KHDRBS2: variants seen among roughly 807,000 people sequenced by gnomAD.
The protein encoded by KHDRBS2 is KH domain-containing, RNA-binding, signal transduction-associated protein 2.
A neutral mutation model predicts 44.3 loss-of-function variants in KHDRBS2; 26 were observed. That is an observed-to-expected ratio of 0.59 (90% CI 0.43 to 0.81). KHDRBS2 has a LOEUF of 0.81. KHDRBS2 is among the 40% of genes least tolerant of loss of function. KHDRBS2 has a pLI of 0.00. For synonymous variants in KHDRBS2, 194 were observed against 151.1 expected (o/e 1.28, Z -2.08); for missense variants, 476 against 433.1 (o/e 1.10, Z -0.88).
the KHDRBS2 span, among the ~76,000 whole-genome samples, chr6:61,626,890 C>A: frequency 6.6e-6 from 1 of 151,544 alleles, no homozygotes; most frequent in Non-Finnish European, 1.5e-5. Flanking sequence ...TTTGGAGTTT[C>A]ATCTGCCTGC....
intron 6 of KHDRBS2, among the ~76,000 whole-genome samples, chr6:61,735,771 C>G (rs940659310): frequency 1.3e-5 from 2 of 151,850 alleles, no homozygotes; most frequent in African/African-American, 4.8e-5. Context: ...TCAATTGTCT[C>G]ATACTTAATT....
intron 6 of KHDRBS2, among the ~76,000 whole-genome samples, chr6:61,818,838 CT>C (rs1001673909): frequency 1.3e-5 from 2 of 151,888 alleles, no homozygotes; most frequent in African/African-American, 4.8e-5. Flanking sequence ...TTATCTCCCC[CT>C]AACAATGTTT....
the KHDRBS2 span, among the ~76,000 whole-genome samples, chr6:61,558,273 C>G: frequency 6.6e-6 from 1 of 152,234 alleles, no homozygotes; most frequent in African/African-American, 2.4e-5. Flanking sequence ...TAGCCATAAA[C>G]TTCCTTGGCT....
chr6:61,595,029 G>A, the KHDRBS2 span, among the ~76,000 whole-genome samples: 1 of 152,038 alleles, frequency 6.6e-6, no homozygotes, highest in Non-Finnish European at 1.5e-5. Flanking sequence ...CAGACATACA[G>A]TCTCTGTTTC....
intron 1 of KHDRBS2, among the ~76,000 whole-genome samples, chr6:62,274,110 A>G (rs542962124): frequency 1.3e-5 from 2 of 151,976 alleles, no homozygotes; most frequent in South Asian, 2.1e-4. Context: ...TAATTTTTGT[A>G]TTTTTAGTAG....
At chr6:61,872,385 C>A (rs1030969605) in intron 6 of KHDRBS2, among the ~76,000 whole-genome samples, 20 of 151,966 alleles carry the variant, frequency 1.3e-4, no homozygotes, top group African/African-American at 4.3e-4. Flanking sequence ...AGAAATATTT[C>A]TGGATATAAT....
chr6:61,868,395 G>T (rs1224644463), intron 6 of KHDRBS2, among the ~76,000 whole-genome samples: 2 of 152,114 alleles, frequency 1.3e-5, no homozygotes, highest in Non-Finnish European at 2.9e-5. Flanking sequence ...GAGTACCAGC[G>T]ACGGTGGCTG....
At chr6:62,086,961 A>T (rs1424521612) in intron 2 of KHDRBS2, among the ~76,000 whole-genome samples, 3 of 152,092 alleles carry the variant, frequency 2.0e-5, no homozygotes, top group African/African-American at 7.2e-5. Context: ...AAAAAGGAAA[A>T]GATATAGGTG....
chr6:61,740,747 T>C (rs1776019675), intron 6 of KHDRBS2, among the ~76,000 whole-genome samples: 1 of 151,914 alleles, frequency 6.6e-6, no homozygotes, highest in South Asian at 2.1e-4. Flanking sequence ...GCTGATGGTA[T>C]TTTCTTCCAA....
the KHDRBS2 span, among the ~76,000 whole-genome samples, chr6:61,673,430 T>C: frequency 6.6e-6 from 1 of 151,472 alleles, no homozygotes; most frequent in Non-Finnish European, 1.5e-5. Flanking sequence ...CCAGGGCAAT[T>C]AGGCAGGAGA....
At chr6:62,088,557 T>C (rs1798862105) in intron 2 of KHDRBS2, among the ~76,000 whole-genome samples, 1 of 152,164 alleles carries the variant, frequency 6.6e-6, no homozygotes, top group Admixed American at 6.5e-5. Flanking sequence ...GATTGCTGCC[T>C]GTTCCTTCCT....
intron 3 of KHDRBS2, among the ~76,000 whole-genome samples, chr6:62,045,757 TC>T (rs1361287865): frequency 6.6e-6 from 1 of 151,954 alleles, no homozygotes; most frequent in African/African-American, 2.4e-5. Flanking sequence ...AAATCTTCTT[TC>T]CTGTTTATGT....
chr6:62,017,938 A>G (rs71568781), intron 3 of KHDRBS2, among the ~76,000 whole-genome samples: 1 of 151,994 alleles, frequency 6.6e-6, no homozygotes, highest in African/African-American at 2.4e-5. Context: ...GATATAAAAA[A>G]TTTATTCTCC....
At chr6:61,956,117 C>T (rs1767214744) in intron 4 of KHDRBS2, among the ~76,000 whole-genome samples, 1 of 151,958 alleles carries the variant, frequency 6.6e-6, no homozygotes, top group Non-Finnish European at 1.5e-5. Flanking sequence ...TCACTTGAAC[C>T]CGGGAGGCAC....
the KHDRBS2 span, among the ~76,000 whole-genome samples, chr6:61,626,556 T>G: frequency 6.6e-6 from 1 of 152,256 alleles, no homozygotes; most frequent in Admixed American, 6.5e-5. Flanking sequence ...GACTTATGTA[T>G]TTTTTGAAAT....
chr6:62,254,452 G>A (rs1371713154), intron 1 of KHDRBS2, among the ~76,000 whole-genome samples: 2 of 152,082 alleles, frequency 1.3e-5, no homozygotes, highest in African/African-American at 4.8e-5. Flanking sequence ...ACAGAGGGGA[G>A]TGAGGAGGTT....
At chr6:61,772,446 A>C (rs1487388726) in intron 6 of KHDRBS2, among the ~76,000 whole-genome samples, 1 of 151,770 alleles carries the variant, frequency 6.6e-6, no homozygotes, top group Non-Finnish European at 1.5e-5. Flanking sequence ...GAAGAAAAGA[A>C]TAAAATAGAC....
Position 61,694,699 on chromosome 6 carries a change from G to C in KHDRBS2, c.952+2496C>G, listed in dbSNP as rs187390412. ...CCTGGTGTGGCTTTGGAGACAGCCT[G>C]GGATTTGGATGCTAGTGTTTTTATT... is the stretch of plus-strand genomic sequence containing the variant. On this transcript the variant is annotated intron_variant, in intron 8 of 8. Transcript: ENST00000281156. Among the ~76,000 whole-genome samples the C allele has an allele frequency of 4.1e-4, 63 of 152,254 alleles. 1 individual carries two copies. The highest frequency in any genetic ancestry group is 1.5e-3 in the African/African-American group (61 of 41,546).
chr6:61,624,755 C>T, the KHDRBS2 span, among the ~76,000 whole-genome samples: 53 of 152,092 alleles, frequency 3.5e-4, no homozygotes, highest in African/African-American at 1.2e-3. Flanking sequence ...CTTTGGGACA[C>T]GATATATACG....
Sources: gnomAD v4.1 joint callset for allele counts (sites outside exome capture counted in the v4.1 genomes callset) on GRCh38, gnomAD v4.1.1 for gene constraint, MANE v1.5 for transcripts, NCBI Gene and HGNC (gene_info 2026-07-23, HGNC 2026-07-21) for gene names.